Variants in ACACA observed in about 807,000 individuals in gnomAD.
ACACA encodes acetyl-CoA carboxylase 1.
ACACA carries 103 observed loss-of-function variants against 296.1 expected under a neutral mutation model. That is an observed-to-expected ratio of 0.35 (90% CI 0.30 to 0.41). ACACA has a LOEUF of 0.41. ACACA is among the 10% of genes least tolerant of loss of function. ACACA has a pLI of 1.00. For synonymous variants in ACACA, 953 were observed against 1,038.6 expected (o/e 0.92, Z 1.58); for missense variants, 1,554 against 2,989.7 (o/e 0.52, Z 11.20).
intron 1 of ACACA, chr17:37,359,013 G>T (rs1408094682): frequency 2.0e-6 from 2 of 985,692 alleles, no homozygotes; most frequent in Non-Finnish European, 2.4e-6. Context: ...GGGTGGCAAC[G>T]TGTGCGGTCG....
At chr17:37,174,646 C>T (rs1002491746) in intron 41 of ACACA, among the ~76,000 whole-genome samples, 2 of 152,074 alleles carry the variant, frequency 1.3e-5, no homozygotes, top group African/African-American at 2.4e-5. Flanking sequence ...GATTCTCCTG[C>T]CTCAGCCTGC....
chr17:37,210,532 A>G (rs756891801), intron 29 of ACACA, 42 bp from the exon 30 acceptor site: 3 of 1,589,090 alleles, frequency 1.9e-6, no homozygotes, highest in South Asian at 2.2e-5. Context: ...TAAGTTAGTG[A>G]AAGCCATAAT....
chr17:37,382,796 G>T (rs2147756153), intron 1 of ACACA, among the ~76,000 whole-genome samples: 1 of 152,286 alleles, frequency 6.6e-6, no homozygotes. Flanking sequence ...GGATGCAGAG[G>T]TTGTAGGGAG....
intron 1 of ACACA, among the ~76,000 whole-genome samples, chr17:37,340,555 C>T (rs1442003603): frequency 7.9e-5 from 12 of 152,146 alleles, no homozygotes; most frequent in African/African-American, 9.7e-5. Context: ...TGGAAATACA[C>T]GCTTGAGAAC....
In ACACA at chr17:37,192,085, C is replaced by T. The variant is rs1033015451; in HGVS notation, c.4416+5G>A. 1 of 1,613,742 alleles carries T rather than the reference C, an allele frequency of 6.2e-7. No homozygotes were observed. The highest frequency in any genetic ancestry group is 8.5e-7 in the Non-Finnish European group (1 of 1,179,908). ...GATAACATCCCATTAAAGTACAGCA[C>T]CCACCTTGGTGACCAGATCAGAATG... On this transcript the variant is annotated splice_donor_5th_base_variant and intron_variant, in intron 37 of 55. Transcript: ENST00000616317.
At chr17:37,398,429 G>A (rs2051161831) in intron 1 of ACACA, among the ~76,000 whole-genome samples, 1 of 143,582 alleles carries the variant, frequency 7.0e-6, no homozygotes, top group South Asian at 2.3e-4. Flanking sequence ...TGGGATTACA[G>A]ACATGCGCCA....
At chr17:37,288,987 G>T (rs561836873) in intron 3 of ACACA, among the ~76,000 whole-genome samples, 1 of 152,116 alleles carries the variant, frequency 6.6e-6, no homozygotes, top group African/African-American at 2.4e-5. Flanking sequence ...TACCTGCCAG[G>T]CATGGTGGCT....
At chr17:37,342,436 A>AAAATAT (rs1555652530) in intron 1 of ACACA, among the ~76,000 whole-genome samples, 19 of 58,206 alleles carry the variant, frequency 3.3e-4, no homozygotes, top group Non-Finnish European at 4.1e-4. Context: ...AAAAAAAAAA[A>AAAATAT]ATATATATAT....
At chr17:37,324,560 C>T (rs1287128532) in intron 3 of ACACA, among the ~76,000 whole-genome samples, 55 of 151,282 alleles carry the variant, frequency 3.6e-4, no homozygotes, top group African/African-American at 1.3e-3. Flanking sequence ...ATCCCAGCTA[C>T]TTGGGAGGCT....
intron 15 of ACACA, among the ~76,000 whole-genome samples, chr17:37,252,424 T>C (rs1033240091): frequency 1.3e-5 from 2 of 152,204 alleles, no homozygotes; most frequent in Non-Finnish European, 2.9e-5. Flanking sequence ...TGGCTACTGA[T>C]AATCTCAAAG....
intron 47 of ACACA, among the ~76,000 whole-genome samples, chr17:37,128,802 T>G (rs921917917): frequency 3.3e-5 from 5 of 152,226 alleles, no homozygotes; most frequent in Non-Finnish European, 7.3e-5. Flanking sequence ...AATCTCTTCA[T>G]GAATAAATGA....
At chr17:37,273,880 G>C (rs952169110) in intron 9 of ACACA, among the ~76,000 whole-genome samples, 1 of 152,226 alleles carries the variant, frequency 6.6e-6, no homozygotes, top group East Asian at 1.9e-4. Context: ...GGTAGAGAGA[G>C]AGAGAATCAG....
rs1280166811 is a variant in ACACA at position 37,139,663 on chromosome 17, AGGAGATAATC to A, written c.5680-9455_5680-9446del. 3.3e-5 allele frequency among the ~76,000 whole-genome samples: 5 copies of A among 152,356 alleles called. No individual in the cohort carries two copies. In the East Asian group the frequency reaches 7.7e-4, roughly 23 times the overall value. On this transcript the variant is annotated intron_variant, in intron 45 of 55. Transcript: ENST00000616317. ...TCAACAAGGCAGAGGAGGAGAAAGC[AGGAGATAATC>A]GGGCTCCGAAGGTACTGCATGGCAC...
intron 45 of ACACA, among the ~76,000 whole-genome samples, chr17:37,148,952 G>A (rs2075927631): frequency 1.3e-5 from 2 of 152,158 alleles, no homozygotes; most frequent in African/African-American, 4.8e-5. Flanking sequence ...GAAAGCTGAG[G>A]AGCTGAGAGG....
At position 37,306,001 on chromosome 17, in the gene ACACA, T is replaced by C. The variant is rs558832656; in HGVS notation, c.339-21031A>G. Among the ~76,000 whole-genome samples the C allele has an allele frequency of 1.8e-3, 266 of 145,676 alleles. 1 individual carries two copies. Among genetic ancestry groups the C allele is most frequent in the African/African-American group, 6.2e-3 (252 of 40,414 alleles). On this transcript the variant is annotated intron_variant, in intron 3 of 55. Transcript: ENST00000616317. ...TCGGCTCACTGCAAGCTCCGCCTCC[T>C]GGGTTCACACCATTCTCCTGCCTCA...
chr17:37,113,922 G>A lies in ACACA; in HGVS notation c.6275-657C>T, dbSNP rs963322496. ...TTCTTTAACAGTTGCATTTTTATAG[G>A]GTATCAATGAGAGAAAAATTTTAAA... On this transcript the variant is annotated intron_variant, in intron 50 of 55. Coordinates refer to ENST00000616317, the MANE Select transcript of ACACA (RefSeq NM_198834.3). This position sits in a 1 kb window ranked among gnomAD's most constrained non-coding sequence, Gnocchi z 4.0. Among the ~76,000 whole-genome samples the A allele has an allele frequency of 2.6e-5, 4 of 152,080 alleles. No homozygotes were observed. The highest frequency in any genetic ancestry group is 4.8e-5 in the African/African-American group (2 of 41,396).
chr17:37,143,734 C>T, intron 45 of ACACA: 1 of 907,712 alleles, frequency 1.1e-6, no homozygotes, highest in Non-Finnish European at 1.8e-6. Flanking sequence ...CTTCATCTTC[C>T]TCATCTTCCT....
rs73984208 is a variant in ACACA at position 37,335,851 on chromosome 17, G to A, written c.85+3953C>T. ...AGACTTGCTAACCGCGGAAAGCGGGGGAACCTTTTTATTTTTAGAGGAAAA... is the reference window on the plus strand; with the variant it reads ...AGACTTGCTAACCGCGGAAAGCGGGAGAACCTTTTTATTTTTAGAGGAAAA... On this transcript the variant is annotated intron_variant, in intron 2 of 55. Transcript: ENST00000616317. Among the ~76,000 whole-genome samples, 139 of 152,240 alleles carry A rather than the reference G, an allele frequency of 9.1e-4. 1 individual carries two copies. Among genetic ancestry groups the A allele is most frequent in the African/African-American group, 3.3e-3 (137 of 41,546 alleles).
intron 50 of ACACA, among the ~76,000 whole-genome samples, chr17:37,115,119 T>C (rs890387477): frequency 1.3e-5 from 2 of 152,210 alleles, no homozygotes; most frequent in Non-Finnish European, 2.9e-5. Flanking sequence ...GTACTCCATG[T>C]ATATGATCAG....
Sources: allele counts gnomAD v4.1 joint callset (sites outside exome capture counted in the v4.1 genomes callset), GRCh38; gene constraint gnomAD v4.1.1; non-coding constraint Gnocchi (gnomAD v3.1); transcripts MANE v1.5; gene names NCBI Gene and HGNC (gene_info 2026-07-23, HGNC 2026-07-21).